Variants in CFAP20DC observed in about 807,000 individuals in gnomAD.
CFAP20DC encodes the protein protein CFAP20DC.
In CFAP20DC, 84 loss-of-function variants were observed where a neutral mutation model predicts 101.7. The ratio of observed to expected loss-of-function variants is 0.83; its 90% CI spans 0.69 to 0.99. The LOEUF (loss-of-function observed/expected upper bound fraction) is 0.99, where lower values mean the gene tolerates loss of function less well. Ranked by LOEUF, CFAP20DC falls within the 50% of genes least tolerant of loss-of-function variation. The probability of loss-of-function intolerance (pLI) is 0.00; values close to 1 mark genes in which losing one functional copy is unlikely to be tolerated. For synonymous variants in CFAP20DC, 359 were observed against 351.2 expected, an observed-to-expected ratio of 1.02 and a Z score of -0.25; for missense variants, 1,007 against 970.3, an observed-to-expected ratio of 1.04 and a Z score of -0.50.
At position 58,724,876 on chromosome 3, in the gene CFAP20DC, G is replaced by C. The variant is rs984933849; in HGVS notation, c.198-7248C>G. On this transcript the variant is annotated intron_variant, in intron 3 of 3. Transcript: ENST00000486145. This position sits in a 1 kb window ranked among gnomAD's most constrained non-coding sequence, Gnocchi z 5.6. ...GGGATCTGGAAGTCAGCCCCAGGAA[G>C]CAGCCAACAAACAGATTAGTGGAGC... 5.3e-5 allele frequency among the ~76,000 whole-genome samples: 8 copies of C among 152,130 alleles called. No individual in the cohort carries two copies. Among genetic ancestry groups the C allele is most frequent in the Non-Finnish European group, 1.0e-4 (7 of 68,026 alleles).
At chr3:59,030,074 C>T (rs2093961171) in intron 4 of CFAP20DC, among the ~76,000 whole-genome samples, 1 of 152,188 alleles carries the variant, frequency 6.6e-6, no homozygotes, top group African/African-American at 2.4e-5. Flanking sequence ...CTTATGAAAA[C>T]TTCTTGATGT....
Position 58,812,269 on chromosome 3 carries a change from G to A in CFAP20DC, c.2176-5813C>T, listed in dbSNP as rs376421925. Among the ~76,000 whole-genome samples the A allele has an allele frequency of 7.4e-4, 113 of 152,066 alleles. 1 individual carries two copies. The East Asian group carries it at 0.011, about 15-fold the overall frequency. On this transcript the variant is annotated intron_variant, in intron 14 of 16. Transcript: ENST00000482387. Reference sequence around the variant, plus strand: ...ACACATGCACACGTATGTTTATTGCGGCTCTATTCACAATAGCAAAGACTT... The same window carrying A: ...ACACATGCACACGTATGTTTATTGCAGCTCTATTCACAATAGCAAAGACTT...
intron 4 of CFAP20DC, among the ~76,000 whole-genome samples, chr3:58,946,683 A>T (rs1320983080): frequency 1.3e-5 from 2 of 152,148 alleles, no homozygotes; most frequent in Non-Finnish European, 2.9e-5. Flanking sequence ...GGGGGTTAGC[A>T]CCCGAGACTC....
chr3:58,959,476 T>C (rs1387439711), intron 4 of CFAP20DC, among the ~76,000 whole-genome samples: 1 of 152,230 alleles, frequency 6.6e-6, no homozygotes, highest in Non-Finnish European at 1.5e-5. Context: ...AAGTTTTATA[T>C]ATGTGACTAT....
intron 4 of CFAP20DC, among the ~76,000 whole-genome samples, chr3:58,947,584 T>C (rs552291973): frequency 6.6e-6 from 1 of 152,336 alleles, no homozygotes; most frequent in African/African-American, 2.4e-5. Flanking sequence ...ATGACTTATA[T>C]CCTTGAGAAT....
chr3:58,861,702 C>T lies in CFAP20DC; in HGVS notation c.1593+1856G>A. 4.1e-6 allele frequency: 4 copies of T among 985,304 alleles called. No individual in the cohort carries two copies. Among genetic ancestry groups the T allele is most frequent in the Non-Finnish European group, 4.8e-6 (4 of 829,896 alleles). 61.0% of individuals were successfully genotyped at this position (985,304 alleles called of 1,614,324 possible). A position where few individuals can be genotyped will look rare whatever the true frequency, so the allele number is the denominator to read the frequency against. ...GCTTGATAATGTGGCAGGTGTTTCC[C>T]CTCTCTCTGGCTGCCACTCTTAGTA... On this transcript the variant is annotated intron_variant, in intron 12 of 16. Transcript: ENST00000482387. The surrounding 1 kb of genome is among the most constrained non-coding windows in gnomAD (Gnocchi z 4.0).
chr3:58,928,834 G>A (rs1392276303), intron 5 of CFAP20DC, among the ~76,000 whole-genome samples: 107 of 152,152 alleles, frequency 7.0e-4, no homozygotes, highest in Non-Finnish European at 7.4e-5. Context: ...AACATGAGCT[G>A]AAGTCACCTA....
intron 7 of CFAP20DC, among the ~76,000 whole-genome samples, chr3:58,871,427 G>T (rs1449079886): frequency 6.6e-6 from 1 of 152,044 alleles, no homozygotes. Context: ...TAGGGCAGGT[G>T]TGCTCACCAA....
In CFAP20DC at chr3:58,722,678, T is replaced by C. The variant is rs1486464312; in HGVS notation, c.198-5050A>G. Among the ~76,000 whole-genome samples the C allele has an allele frequency of 1.3e-5, 2 of 152,250 alleles. No homozygotes were observed. Among genetic ancestry groups the C allele is most frequent in the African/African-American group, 4.8e-5 (2 of 41,472 alleles). ...TTTCCCAGATGTGAAAGTTACACAC[T>C]GACTGTGATTTTCTGCCCGAGTCCT... On this transcript the variant is annotated intron_variant, in intron 3 of 3. Coordinates refer to the CFAP20DC transcript ENST00000486145. This position sits in a 1 kb window ranked among gnomAD's most constrained non-coding sequence, Gnocchi z 4.5.
intron 6 of CFAP20DC, among the ~76,000 whole-genome samples, chr3:58,902,901 AT>A (rs888170566): frequency 1.1e-4 from 17 of 151,920 alleles, no homozygotes; most frequent in Non-Finnish European, 1.8e-4. Context: ...TGTTTTTTTA[AT>A]TTTTTTCCCC....
chr3:58,773,400 A>AC (rs1326885448), intron 15 of CFAP20DC, among the ~76,000 whole-genome samples: 1 of 147,948 alleles, frequency 6.8e-6, no homozygotes, highest in Non-Finnish European at 1.5e-5. Context: ...AAAAAAAAAA[A>AC]AAGAAAAAGA....
At chr3:58,875,157 C>G (rs2080635023) in intron 7 of CFAP20DC, among the ~76,000 whole-genome samples, 1 of 152,172 alleles carries the variant, frequency 6.6e-6, no homozygotes, top group East Asian at 1.9e-4. Flanking sequence ...AGTAGCAGTG[C>G]TATGGCACTG....
At position 58,859,870 on chromosome 3, in the gene CFAP20DC, TGA is replaced by T. The variant is rs1028927413; in HGVS notation, c.1593+3686_1593+3687del. Among the ~76,000 whole-genome samples the T allele has an allele frequency of 6.6e-6, 1 of 152,088 alleles. No homozygotes were observed. The highest frequency in any genetic ancestry group is 1.5e-5 in the Non-Finnish European group (1 of 68,008). On this transcript the variant is annotated intron_variant, in intron 12 of 16. Transcript: ENST00000482387. This position sits in a 1 kb window ranked among gnomAD's most constrained non-coding sequence, Gnocchi z 4.1. ...TCCACCGTGTGTATGTAAGTGTGTG[TGA>T]GAAAGCAATTAAAAATCATTACTTG... is the stretch of plus-strand genomic sequence containing the variant.
intron 3 of CFAP20DC, among the ~76,000 whole-genome samples, chr3:58,725,371 G>A (rs549483662): frequency 5.3e-5 from 8 of 152,306 alleles, no homozygotes; most frequent in African/African-American, 1.9e-4. Flanking sequence ...GTTGCCGGTT[G>A]TTGTGGCTAT....
chr3:58,959,165 G>A (rs572913407), intron 4 of CFAP20DC, among the ~76,000 whole-genome samples: 17 of 152,204 alleles, frequency 1.1e-4, no homozygotes, highest in South Asian at 2.1e-4. Context: ...TGCCATCTCC[G>A]CTCACTGCAA....
Position 58,820,323 on chromosome 3 carries a change from T to C in CFAP20DC, c.2175+11363A>G, listed in dbSNP as rs374571088. Among the ~76,000 whole-genome samples, 4 of 149,714 alleles carry C rather than the reference T, an allele frequency of 2.7e-5. No individual in the cohort carries two copies. In the East Asian group the frequency reaches 8.1e-4, roughly 30 times the overall value. Reference sequence around the variant, plus strand: ...TGAGGCAGGAGAAGGAAATAAAGGGTATTCAATTAGGAAAAGAGGAAGTCA... The same window carrying C: ...TGAGGCAGGAGAAGGAAATAAAGGGCATTCAATTAGGAAAAGAGGAAGTCA... On this transcript the variant is annotated intron_variant, in intron 14 of 16. Coordinates refer to ENST00000482387, the MANE Select transcript of CFAP20DC (RefSeq NM_001394063.1).
At chr3:58,780,557 T>A (rs909264922) in intron 15 of CFAP20DC, among the ~76,000 whole-genome samples, 2 of 151,922 alleles carry the variant, frequency 1.3e-5, no homozygotes, top group Non-Finnish European at 2.9e-5. Context: ...TCATCTTATC[T>A]GTAAAGAAAC....
chr3:58,778,215 C>T (rs1488945448), intron 15 of CFAP20DC, among the ~76,000 whole-genome samples: 1 of 152,208 alleles, frequency 6.6e-6, no homozygotes, highest in African/African-American at 2.4e-5. Flanking sequence ...CTGAGGATCA[C>T]CTCGTCCTTG....
intron 3 of CFAP20DC, among the ~76,000 whole-genome samples, chr3:58,719,245 C>T (rs928933812): frequency 6.6e-6 from 1 of 152,044 alleles, no homozygotes; most frequent in Non-Finnish European, 1.5e-5. Flanking sequence ...CCTGTCTCAA[C>T]AAAAGAAAAA....
Sources: gnomAD v4.1 joint callset for allele counts (sites outside exome capture counted in the v4.1 genomes callset) on GRCh38, gnomAD v4.1.1 for gene constraint, Gnocchi (gnomAD v3.1) non-coding constraint, MANE v1.5 for transcripts, NCBI Gene and HGNC (gene_info 2026-07-23, HGNC 2026-07-21) for gene names.